SCRG1: variants seen among roughly 807,000 people sequenced by gnomAD.
SCRG1 encodes the protein scrapie-responsive protein 1.
A neutral mutation model predicts 7.7 loss-of-function variants in SCRG1; 3 were observed. That is an observed-to-expected ratio of 0.39 (90% confidence interval 0.18 to 1.01). The LOEUF (loss-of-function observed/expected upper bound fraction) is 1.01, where lower values mean the gene tolerates loss of function less well. Ranked by LOEUF, SCRG1 falls within the 50% of genes least tolerant of loss-of-function variation. The pLI, the probability that SCRG1 is intolerant of heterozygous loss-of-function variation, is 0.36. For missense variants in SCRG1, 110 were observed against 117.2 expected (o/e 0.94, Z 0.28); for synonymous variants, 46 against 41.2 (o/e 1.12, Z -0.44).
chr4:173,487,167 A>G, the SCRG1 span, among the ~76,000 whole-genome samples: 4 of 152,194 alleles, frequency 2.6e-5, no homozygotes, highest in African/African-American at 9.7e-5. Context: ...GGCAGGGCTG[A>G]GAATACTAAT....
the SCRG1 span, among the ~76,000 whole-genome samples, chr4:173,439,652 A>C: frequency 6.6e-6 from 1 of 152,006 alleles, no homozygotes; most frequent in Non-Finnish European, 1.5e-5. Flanking sequence ...ACAGAAAACT[A>C]TATTTAGATA....
At chr4:173,439,459 G>C in the SCRG1 span, among the ~76,000 whole-genome samples, 1 of 151,474 alleles carries the variant, frequency 6.6e-6, no homozygotes, top group African/African-American at 2.4e-5. Flanking sequence ...AGGCTGCAGT[G>C]AGCCTTGATT....
the SCRG1 span, among the ~76,000 whole-genome samples, chr4:173,461,274 C>G: frequency 3.3e-5 from 5 of 152,226 alleles, no homozygotes; most frequent in Non-Finnish European, 5.9e-5. Flanking sequence ...TGAGACCCAG[C>G]ACTGTGGCCT....
the SCRG1 span, chr4:173,419,215 C>A: frequency 2.2e-6 from 1 of 449,242 alleles, no homozygotes; most frequent in South Asian, 2.5e-5. Context: ...TTGTCTTTAT[C>A]TGAAAAATCC....
At chr4:173,431,578 C>T in the SCRG1 span, among the ~76,000 whole-genome samples, 2 of 152,174 alleles carry the variant, frequency 1.3e-5, no homozygotes, top group Non-Finnish European at 2.9e-5. Flanking sequence ...TAAAGTGAAG[C>T]CAGATCCAAT....
chr4:173,392,811 C>G (rs1389661315), intron 1 of SCRG1, among the ~76,000 whole-genome samples: 1 of 152,162 alleles, frequency 6.6e-6, no homozygotes, highest in Non-Finnish European at 1.5e-5. Flanking sequence ...TGTGGAATAG[C>G]CAGACGTGGT....
the SCRG1 span, among the ~76,000 whole-genome samples, chr4:173,490,131 CA>C: frequency 6.6e-6 from 1 of 152,118 alleles, no homozygotes; most frequent in Non-Finnish European, 1.5e-5. Context: ...TTGTCCACGC[CA>C]AATTTTGCAA....
the SCRG1 span, chr4:173,468,215 T>C: frequency 2.6e-5 from 4 of 152,492 alleles, no homozygotes; most frequent in Non-Finnish European, 4.4e-5. Flanking sequence ...GATACACAAA[T>C]AGTTACCACT....
the SCRG1 span, chr4:173,419,750 A>C: frequency 2.0e-5 from 26 of 1,309,744 alleles, no homozygotes; most frequent in Admixed American, 1.7e-4. Flanking sequence ...ATAGCAGGTA[A>C]AGGCACCTGG....
chr4:173,509,383 G>A, the SCRG1 span, among the ~76,000 whole-genome samples: 1 of 152,134 alleles, frequency 6.6e-6, no homozygotes, highest in Non-Finnish European at 1.5e-5. The surrounding 1 kb of genome is among the most constrained non-coding windows in gnomAD (Gnocchi z 5.7). Flanking sequence ...CTCGCGAGTA[G>A]AGCCTGGCGC....
At chr4:173,440,538 T>A in the SCRG1 span, among the ~76,000 whole-genome samples, 1 of 152,174 alleles carries the variant, frequency 6.6e-6, no homozygotes, top group Non-Finnish European at 1.5e-5. Flanking sequence ...TGCTTTTCTC[T>A]CCAAGAAGTC....
the SCRG1 span, among the ~76,000 whole-genome samples, chr4:173,456,219 A>G: frequency 2.0e-5 from 3 of 152,216 alleles, no homozygotes; most frequent in South Asian, 6.2e-4. Flanking sequence ...TTCTATGTAC[A>G]CAGAATTCGA....
chr4:173,456,218 C>T, the SCRG1 span, among the ~76,000 whole-genome samples: 1 of 152,298 alleles, frequency 6.6e-6, no homozygotes, highest in African/African-American at 2.4e-5. Context: ...ATTCTATGTA[C>T]ACAGAATTCG....
chr4:173,482,956 G>A, the SCRG1 span, among the ~76,000 whole-genome samples: 84,651 of 130,814 alleles, frequency 0.65, 27,933 homozygotes, highest in Non-Finnish European at 0.73. Flanking sequence ...ATAATATATT[G>A]TACATATTGT....
At chr4:173,425,133 G>C in the SCRG1 span, among the ~76,000 whole-genome samples, 2 of 152,092 alleles carry the variant, frequency 1.3e-5, no homozygotes, top group Non-Finnish European at 2.9e-5. Flanking sequence ...ATACTTTCAT[G>C]GTTCTGTAAC....
At chr4:173,448,379 G>A in the SCRG1 span, among the ~76,000 whole-genome samples, 53 of 152,254 alleles carry the variant, frequency 3.5e-4, no homozygotes, top group African/African-American at 1.3e-3. Context: ...CCTATGACAT[G>A]GCTATCATTG....
chr4:173,400,158 G>T (rs559380476), upstream of SCRG1, among the ~76,000 whole-genome samples: 1 of 152,312 alleles, frequency 6.6e-6, no homozygotes, highest in African/African-American at 2.4e-5. Flanking sequence ...TGGGAGGAAA[G>T]GAGACTAAAG....
the SCRG1 span, among the ~76,000 whole-genome samples, chr4:173,492,045 G>T: frequency 6.6e-6 from 1 of 151,974 alleles, no homozygotes; most frequent in African/African-American, 2.4e-5. Flanking sequence ...CAGGAGGATC[G>T]CTTGAGCCTG....
At chr4:173,506,739 A>G in the SCRG1 span, among the ~76,000 whole-genome samples, 1 of 152,078 alleles carries the variant, frequency 6.6e-6, no homozygotes, top group Non-Finnish European at 1.5e-5. The surrounding 1 kb of genome is among the most constrained non-coding windows in gnomAD (Gnocchi z 5.3). Flanking sequence ...CCTCAGGGCC[A>G]CCGGCCTCAG....
Sources: allele counts gnomAD v4.1 joint callset (sites outside exome capture counted in the v4.1 genomes callset), GRCh38; gene constraint gnomAD v4.1.1; non-coding constraint Gnocchi (gnomAD v3.1); transcripts MANE v1.5; gene names NCBI Gene and HGNC (gene_info 2026-07-23, HGNC 2026-07-21).